SLC30A10: variants seen among roughly 807,000 people sequenced by gnomAD.
SLC30A10 encodes solute carrier family 30 member 10.
Under a neutral mutation model 21.7 loss-of-function variants are expected in SLC30A10, and 8 were observed. That is an observed-to-expected ratio of 0.37 (90% CI 0.22 to 0.67). The LOEUF (loss-of-function observed/expected upper bound fraction) is 0.67, where lower values mean the gene tolerates loss of function less well. Among genes scored for constraint, SLC30A10 ranks in the 30% least tolerant of loss-of-function variants. The probability of loss-of-function intolerance (pLI) is 0.58; values close to 1 mark genes in which losing one functional copy is unlikely to be tolerated. For synonymous variants in SLC30A10, 272 were observed against 279.4 expected (o/e 0.97, Z 0.26); for missense variants, 521 against 642.5 (o/e 0.81, Z 2.04).
chr1:219,917,905 G>T (rs1175965141), intron 3 of SLC30A10, among the ~76,000 whole-genome samples: 1 of 151,928 alleles, frequency 6.6e-6, no homozygotes, highest in Non-Finnish European at 1.5e-5. Context: ...TAGAGACAGG[G>T]TTTCACCATG....
At chr1:219,939,193 A>G (rs1660084824) in intron 1 of SLC30A10, among the ~76,000 whole-genome samples, 1 of 152,198 alleles carries the variant, frequency 6.6e-6, no homozygotes, top group Non-Finnish European at 1.5e-5. Context: ...ACTGGGGACT[A>G]GCAACCAAAT....
At chr1:219,929,162 C>T (rs1453475731), upstream of SLC30A10, among the ~76,000 whole-genome samples, 1 of 152,256 alleles carries the variant, frequency 6.6e-6, no homozygotes, top group African/African-American at 2.4e-5. Context: ...TTGTTCCTCA[C>T]AGCCATTATA....
intron 2 of SLC30A10, among the ~76,000 whole-genome samples, chr1:219,920,475 G>T (rs554173904): frequency 1.3e-5 from 2 of 152,216 alleles, no homozygotes; most frequent in Admixed American, 1.3e-4. Flanking sequence ...CATTTCCTCC[G>T]TAAGTAACAT....
At chr1:219,945,229 G>A (rs920223726) in intron 1 of SLC30A10, among the ~76,000 whole-genome samples, 1 of 152,098 alleles carries the variant, frequency 6.6e-6, no homozygotes, top group Non-Finnish European at 1.5e-5. Context: ...GGATATTTTT[G>A]TAATGATGAT....
At chr1:219,951,459 C>T (rs1308092685) in intron 1 of SLC30A10, among the ~76,000 whole-genome samples, 4 of 151,604 alleles carry the variant, frequency 2.6e-5, no homozygotes, top group South Asian at 2.1e-4. Context: ...CGGTGGCTCA[C>T]GCCTGTAATC....
intron 1 of SLC30A10, among the ~76,000 whole-genome samples, chr1:219,951,707 T>A (rs562709396): frequency 6.7e-6 from 1 of 148,820 alleles, no homozygotes; most frequent in Non-Finnish European, 1.5e-5. Flanking sequence ...GACGACAGAG[T>A]GAGACTCCAT....
At chr1:219,938,165 C>T (rs975266177) in intron 1 of SLC30A10, among the ~76,000 whole-genome samples, 6 of 152,088 alleles carry the variant, frequency 3.9e-5, no homozygotes, top group Non-Finnish European at 7.3e-5. Context: ...TCCAAATCTG[C>T]TAACAGTGGG....
intron 2 of SLC30A10, among the ~76,000 whole-genome samples, chr1:219,925,645 ATATATATT>A (rs1270460275): frequency 3.4e-4 from 24 of 71,530 alleles, no homozygotes; most frequent in South Asian, 3.2e-3. Context: ...ATATATATAT[ATATATATT>A]TTTTTTTTTT....
At chr1:219,934,424 T>C (rs1333871210) in intron 1 of SLC30A10, among the ~76,000 whole-genome samples, 1 of 151,740 alleles carries the variant, frequency 6.6e-6, no homozygotes, top group African/African-American at 2.4e-5. Context: ...GATCATGTCA[T>C]TGCACTCCAG....
At chr1:219,917,969 T>A (rs768035456) in intron 3 of SLC30A10, among the ~76,000 whole-genome samples, 12 of 152,164 alleles carry the variant, frequency 7.9e-5, no homozygotes, top group Non-Finnish European at 4.4e-5. Flanking sequence ...CACCTCTGCC[T>A]CCCAGAGTGC....
chr1:219,921,893 G>A (rs1414720823), intron 2 of SLC30A10, among the ~76,000 whole-genome samples: 5 of 139,884 alleles, frequency 3.6e-5, no homozygotes, highest in African/African-American at 5.5e-5. Flanking sequence ...GTGTGTGTGT[G>A]TGTGTGTGTG....
chr1:219,922,176 GTTTTT>G (rs869249213), intron 2 of SLC30A10, among the ~76,000 whole-genome samples: 7 of 36,452 alleles, frequency 1.9e-4, no homozygotes, highest in Admixed American at 1.5e-3. Flanking sequence ...GTGTGTGTGT[GTTTTT>G]TTTTTTTTTT....
In SLC30A10 at chr1:219,927,009, G is replaced by C; in HGVS notation, c.718+19C>G. On this transcript the variant is annotated intron_variant, in intron 2 of 3. Transcript: ENST00000366926. Reference sequence around the variant, plus strand: ...GTGTCATAGAAAGGGATTTCAAATAGGCCCAAAGTCAATCCTACCTCTGAT... The same window carrying C: ...GTGTCATAGAAAGGGATTTCAAATACGCCCAAAGTCAATCCTACCTCTGAT... 6.3e-7 allele frequency: 1 copy of C among 1,575,238 alleles called. No individual in the cohort carries two copies. The highest frequency in any genetic ancestry group is 8.7e-7 in the Non-Finnish European group (1 of 1,145,990).
At chr1:219,941,549 T>TTTCA (rs1558259090) in intron 1 of SLC30A10, among the ~76,000 whole-genome samples, 1 of 101,386 alleles carries the variant, frequency 9.9e-6, no homozygotes, top group Non-Finnish European at 2.0e-5. Context: ...TCCTTCCTTC[T>TTTCA]TTCCTTCCTT....
In SLC30A10 at chr1:219,949,400, A is replaced by G. The variant is rs569016907; in HGVS notation, n.80+9168T>C. The stretch of plus-strand genomic sequence containing the variant: ...AGACTGGATTAAGAAAATGTGGCAC[A>G]TGTACACCATGGAATACTATACAGC... On this transcript the variant is annotated intron_variant and non_coding_transcript_variant, in intron 1 of 8. Coordinates refer to the SLC30A10 transcript ENST00000484239. Among the ~76,000 whole-genome samples, 137 of 152,330 alleles carry G rather than the reference A, an allele frequency of 9.0e-4. No individual in the cohort carries two copies. In the Middle Eastern group the frequency reaches 0.01, roughly 11 times the overall value.
chr1:219,921,441 T>C (rs561376372), intron 2 of SLC30A10, among the ~76,000 whole-genome samples: 2 of 152,328 alleles, frequency 1.3e-5, no homozygotes, highest in East Asian at 1.9e-4. Flanking sequence ...TCCTGCCTCA[T>C]GTAAGTTCTA....
At chr1:219,949,951 T>G (rs1660246078) in intron 1 of SLC30A10, among the ~76,000 whole-genome samples, 1 of 152,022 alleles carries the variant, frequency 6.6e-6, no homozygotes, top group Non-Finnish European at 1.5e-5. Context: ...AAAACCAAAA[T>G]AATAAGCTTA....
intron 1 of SLC30A10, among the ~76,000 whole-genome samples, chr1:219,949,235 G>A (rs1286002863): frequency 1.8e-4 from 28 of 152,130 alleles, no homozygotes; most frequent in African/African-American, 5.6e-4. Flanking sequence ...AATACCATTT[G>A]ACCCAGCCAT....
Position 219,918,756 on chromosome 1 carries a change from C to T in SLC30A10, c.719-262G>A, listed in dbSNP as rs567470116. 1.4e-5 allele frequency: 5 copies of T among 368,994 alleles called. 1 individual carries two copies. In the South Asian group the frequency reaches 3.4e-4, roughly 25 times the overall value. 22.9% of individuals were successfully genotyped at this position (368,994 alleles called of 1,614,324 possible). ...CTGACCTGCAGGAAGAGCGACTGTG[C>T]CGTCTCACTGGGCCACATCGCTACC... On this transcript the variant is annotated intron_variant, in intron 2 of 3. Coordinates refer to ENST00000366926, the MANE Select transcript of SLC30A10 (RefSeq NM_018713.3). This position sits in a 1 kb window ranked among gnomAD's most constrained non-coding sequence, Gnocchi z 4.4.
Sources: allele counts gnomAD v4.1 joint callset (sites outside exome capture counted in the v4.1 genomes callset), GRCh38; gene constraint gnomAD v4.1.1; non-coding constraint Gnocchi (gnomAD v3.1); transcripts MANE v1.5; gene names NCBI Gene and HGNC (gene_info 2026-07-23, HGNC 2026-07-21).